Variants in ZFP14 observed in about 807,000 individuals in gnomAD.
ZFP14 encodes the protein ZFP14 zinc finger protein.
ZFP14 carries 22 observed loss-of-function variants against 54.5 expected under a neutral mutation model. The observed-to-expected ratio is 0.40, with a 90% CI of 0.29 to 0.58. The LOEUF (loss-of-function observed/expected upper bound fraction) is 0.58, where lower values mean the gene tolerates loss of function less well. ZFP14 is among the 20% of genes least tolerant of loss of function. The pLI, the probability that ZFP14 is intolerant of heterozygous loss-of-function variation, is 0.39. For missense variants in ZFP14, 470 were observed against 637.8 expected, an observed-to-expected ratio of 0.74 and a Z score of 2.83; for synonymous variants, 159 against 204.0, an observed-to-expected ratio of 0.78 and a Z score of 1.88.
At chr19:36,346,590 T>C (rs1230740405) in intron 4 of ZFP14, among the ~76,000 whole-genome samples, 1 of 152,000 alleles carries the variant, frequency 6.6e-6, no homozygotes, top group Non-Finnish European at 1.5e-5. Flanking sequence ...CCTGAGTAGG[T>C]GGGACTACAG....
chr19:36,362,449 T>C (rs953156119), intron 2 of ZFP14, among the ~76,000 whole-genome samples: 1 of 152,216 alleles, frequency 6.6e-6, no homozygotes, highest in Non-Finnish European at 1.5e-5. Context: ...CCTGTGGCTA[T>C]AGATATGATT....
intron 4 of ZFP14, 139 bp downstream of exon 4, chr19:36,360,296 C>G: frequency 1.9e-6 from 1 of 533,136 alleles, no homozygotes; most frequent in Non-Finnish European, 3.1e-6. Context: ...TAATTTGCTT[C>G]AAGTCCCAAG....
At position 36,340,046 on chromosome 19, in the gene ZFP14, T is replaced by G; in HGVS notation, c.*178A>C. On this transcript the variant is annotated 3_prime_UTR_variant, in exon 5 of 5. Transcript: ENST00000270001. The surrounding 1 kb of genome is among the most constrained non-coding windows in gnomAD (Gnocchi z 5.4). ...TTCCTACATTCATTACATTATTCTC[T>G]CATAGGAATTTGCTGAAGATAAACC... is the stretch of plus-strand genomic sequence containing the variant. The G allele has an allele frequency of 1.7e-6, 1 of 573,660 alleles. No individual in the cohort carries two copies. Among genetic ancestry groups the G allele is most frequent in the Non-Finnish European group, 2.8e-6 (1 of 360,356 alleles). The allele number at this position is 573,660 out of a possible 1,614,324, so 35.5% of individuals were successfully genotyped here.
intron 4 of ZFP14, among the ~76,000 whole-genome samples, chr19:36,356,588 T>C (rs549195163): frequency 6.6e-6 from 1 of 152,280 alleles, no homozygotes; most frequent in African/African-American, 2.4e-5. Context: ...TACTCACCTG[T>C]ACCATGACTG....
chr19:36,377,380 T>C (rs1254172511), intron 1 of ZFP14, among the ~76,000 whole-genome samples: 1 of 151,938 alleles, frequency 6.6e-6, no homozygotes, highest in Non-Finnish European at 1.5e-5. Context: ...GGAGACCTCA[T>C]TTCTACAAAA....
chr19:36,359,930 C>T (rs2031682369), intron 4 of ZFP14, among the ~76,000 whole-genome samples: 1 of 152,120 alleles, frequency 6.6e-6, no homozygotes, highest in Non-Finnish European at 1.5e-5. Context: ...GCTGGGATTA[C>T]CAGAGTGAGC....
At chr19:36,346,659 T>G (rs925132529) in intron 4 of ZFP14, among the ~76,000 whole-genome samples, 15 of 152,154 alleles carry the variant, frequency 9.9e-5, no homozygotes, top group African/African-American at 3.1e-4. Context: ...GGTTTCACCA[T>G]GTTGGCCAGG....
chr19:36,352,135 G>A lies in ZFP14; in HGVS notation c.235+8300C>T, dbSNP rs1249172110. Among the ~76,000 whole-genome samples, 2 of 141,064 alleles carry A rather than the reference G, an allele frequency of 1.4e-5. 1 individual carries two copies. The highest frequency in any genetic ancestry group is 3.1e-5 in the Non-Finnish European group (2 of 63,962). 92.5% of individuals were successfully genotyped at this position (141,064 alleles called of 152,430 possible). The stretch of plus-strand genomic sequence containing the variant: ...GGAGGCAGAGCTTGCAGCGAGCCGA[G>A]ATCGTGCCACTGCACTCCATTCTGG... On this transcript the variant is annotated intron_variant, in intron 4 of 4. Coordinates refer to ENST00000270001, the MANE Select transcript of ZFP14 (RefSeq NM_020917.3).
At chr19:36,374,450 G>A (rs1451240151) in intron 1 of ZFP14, among the ~76,000 whole-genome samples, 6 of 144,240 alleles carry the variant, frequency 4.2e-5, no homozygotes, top group Non-Finnish European at 6.0e-5. Flanking sequence ...ATGTCGTGCC[G>A]TTGCACTCCA....
Position 36,339,938 on chromosome 19 carries a change from A to G in ZFP14, c.*286T>C, listed in dbSNP as rs1600063654. ...ATTTTACAAGTCAGCAAAATGAGGC[A>G]CAGAAGCTTAGTATCTTGTCCAATA... On this transcript the variant is annotated 3_prime_UTR_variant, in exon 5 of 5. Coordinates refer to ENST00000270001, the MANE Select transcript of ZFP14 (RefSeq NM_020917.3). The G allele has an allele frequency of 1.1e-5, 3 of 282,758 alleles. No homozygotes were observed. Among genetic ancestry groups the G allele is most frequent in the East Asian group, 1.3e-4 (2 of 15,402 alleles). The allele number at this position is 282,758 out of a possible 1,614,324, so 17.5% of individuals were successfully genotyped here.
At position 36,340,295 on chromosome 19, in the gene ZFP14, T is replaced by C; in HGVS notation, c.1531A>G (p.Lys511Glu). Residue 511 changes from lysine (K) to glutamate (E), a missense_variant, in exon 5 of 5, where the codon AAG (lysine) becomes GAG (glutamate). Lys to Glu is a moderately conservative substitution (Grantham distance 56). Coordinates refer to ENST00000270001, the MANE Select transcript of ZFP14 (RefSeq NM_020917.3). This position sits in a 1 kb window ranked among gnomAD's most constrained non-coding sequence, Gnocchi z 5.4. ...IHTGEKPYKC[K>E]ECKKAFRQHS... ...TGTCTAAAGGCCTTCTTACACTCCT[T>C]ACACTTGTAGGGCTTCTCACCAGTA... 6.2e-7 allele frequency: 1 copy of C among 1,614,022 alleles called. No individual in the cohort carries two copies. Among genetic ancestry groups the C allele is most frequent in the African/African-American group, 1.3e-5 (1 of 75,042 alleles).
chr19:36,366,192 C>T (rs951961790), intron 2 of ZFP14, among the ~76,000 whole-genome samples: 2 of 151,770 alleles, frequency 1.3e-5, no homozygotes, highest in African/African-American at 2.4e-5. Context: ...CGCTTGAACC[C>T]AGAAAGCGGA....
chr19:36,358,098 T>A (rs977677915), intron 4 of ZFP14, among the ~76,000 whole-genome samples: 4 of 150,522 alleles, frequency 2.7e-5, no homozygotes, highest in Non-Finnish European at 1.5e-5. Flanking sequence ...CTATCATCTA[T>A]CTATCTATCT....
At chr19:36,370,254 G>C (rs539857078) in intron 1 of ZFP14, among the ~76,000 whole-genome samples, 13 of 152,304 alleles carry the variant, frequency 8.5e-5, no homozygotes, top group African/African-American at 3.1e-4. Context: ...GCACAGTGTA[G>C]ACAGAGGTAT....
intron 2 of ZFP14, among the ~76,000 whole-genome samples, chr19:36,363,189 CTTTTTTTTTTT>C (rs772799449): frequency 3.1e-5 from 3 of 97,752 alleles, no homozygotes; most frequent in Admixed American, 1.2e-4. Flanking sequence ...CTTTTCTTTT[CTTTTTTTTTTT>C]TTTTTTTTTT....
intron 4 of ZFP14, among the ~76,000 whole-genome samples, chr19:36,357,990 G>C (rs1790873042): frequency 6.6e-6 from 1 of 151,732 alleles, no homozygotes; most frequent in Admixed American, 6.6e-5. Flanking sequence ...TGATCCACCT[G>C]CCTCGGCCTT....
chr19:36,363,189 C>CTTTTCTTTTTTTT (rs1555755935), intron 2 of ZFP14, among the ~76,000 whole-genome samples: 61 of 97,742 alleles, frequency 6.2e-4, no homozygotes, highest in Middle Eastern at 8.1e-3. Flanking sequence ...CTTTTCTTTT[C>CTTTTCTTTTTTTT]TTTTTTTTTT....
chr19:36,367,787 C>G (rs2031817778), intron 2 of ZFP14, 97 bp downstream of exon 2: 3 of 1,428,870 alleles, frequency 2.1e-6, no homozygotes, highest in Non-Finnish European at 2.9e-6. Flanking sequence ...TTGGATGAAG[C>G]TCTGGTAAGC....
intron 4 of ZFP14, among the ~76,000 whole-genome samples, chr19:36,345,356 A>G (rs1487384089): frequency 4.6e-5 from 7 of 152,178 alleles, no homozygotes; most frequent in Non-Finnish European, 1.0e-4. Flanking sequence ...TTTTTTTTCA[A>G]TCATGCTAAC....
Sources: gnomAD v4.1 joint callset for allele counts (sites outside exome capture counted in the v4.1 genomes callset) on GRCh38, gnomAD v4.1.1 for gene constraint, Gnocchi (gnomAD v3.1) non-coding constraint, MANE v1.5 for transcripts, NCBI Gene and HGNC (gene_info 2026-07-23, HGNC 2026-07-21) for gene names.